PALM2AKAP2: variants seen among roughly 807,000 people sequenced by gnomAD.
PALM2AKAP2 encodes the protein PALM2 and AKAP2 fusion, also known as PALM2-AKAP2 fusion protein.
Under a neutral mutation model 71.5 loss-of-function variants are expected in PALM2AKAP2, and 37 were observed. That is an observed-to-expected ratio of 0.52 (90% CI 0.40 to 0.68). The LOEUF (loss-of-function observed/expected upper bound fraction) is 0.68. Among genes scored for constraint, PALM2AKAP2 ranks in the 30% least tolerant of loss-of-function variants. The pLI, the probability that PALM2AKAP2 is intolerant of heterozygous loss-of-function variation, is 0.00. For missense variants in PALM2AKAP2, 1,224 were observed against 1,191.8 expected (o/e 1.03, Z -0.40); for synonymous variants, 468 against 478.8 (o/e 0.98, Z 0.29).
At chr9:110,126,255 A>G (rs1482779111) in intron 1 of PALM2AKAP2, among the ~76,000 whole-genome samples, 1 of 152,008 alleles carries the variant, frequency 6.6e-6, no homozygotes, top group Non-Finnish European at 1.5e-5. Context: ...CTCTGCCTCA[A>G]TATAGTGGAT....
chr9:109,679,774 G>A (rs1827702972), intron 1 of PALM2AKAP2, among the ~76,000 whole-genome samples: 1 of 152,034 alleles, frequency 6.6e-6, no homozygotes, highest in Non-Finnish European at 1.5e-5. Flanking sequence ...TCTCCCCTAG[G>A]GTAAAGAAAC....
rs566342141 is a variant in PALM2AKAP2, at chr9:109,890,247, G to A, written c.257+9566G>A. ...TTTGGTACATCCATCACAAGGGCCCGGAGCCAAGATGATCTCTTGAGCACA... is the reference window on the plus strand; with the variant it reads ...TTTGGTACATCCATCACAAGGGCCCAGAGCCAAGATGATCTCTTGAGCACA... On this transcript the variant is annotated intron_variant, in intron 3 of 9. Coordinates refer to the PALM2AKAP2 transcript ENST00000302798. 2.6e-5 allele frequency among the ~76,000 whole-genome samples: 4 copies of A among 152,272 alleles called. No homozygotes were observed. The East Asian group carries it at 5.8e-4, about 22-fold the overall frequency.
intron 6 of PALM2AKAP2, among the ~76,000 whole-genome samples, chr9:109,938,766 C>A (rs1413245944): frequency 6.6e-6 from 1 of 152,122 alleles, no homozygotes; most frequent in Admixed American, 6.5e-5. Flanking sequence ...CGGTAGCTCA[C>A]GCCTGTAATC....
At chr9:109,976,069 G>A (rs1208915811) in intron 6 of PALM2AKAP2, among the ~76,000 whole-genome samples, 1 of 152,136 alleles carries the variant, frequency 6.6e-6, no homozygotes, top group Non-Finnish European at 1.5e-5. Context: ...AGTTTTACTG[G>A]AACGGAGTGT....
intron 1 of PALM2AKAP2, among the ~76,000 whole-genome samples, chr9:110,103,841 G>C (rs180673424): frequency 2.6e-5 from 4 of 152,310 alleles, no homozygotes; most frequent in African/African-American, 9.6e-5. Flanking sequence ...GAGCCTCTTT[G>C]AACAGAGAGA....
intron 1 of PALM2AKAP2, among the ~76,000 whole-genome samples, chr9:110,095,855 C>T (rs1407392919): frequency 6.6e-6 from 1 of 152,160 alleles, no homozygotes. Flanking sequence ...ACCATCTTGG[C>T]CAGGCCGCTT....
chr9:109,974,084 G>A (rs1371500203), intron 6 of PALM2AKAP2, among the ~76,000 whole-genome samples: 1 of 152,216 alleles, frequency 6.6e-6, no homozygotes, highest in East Asian at 1.9e-4. Flanking sequence ...TGAGGGAGAT[G>A]CAGACTAAAG....
At chr9:109,838,019 C>A (rs982717351) in intron 1 of PALM2AKAP2, among the ~76,000 whole-genome samples, 2 of 152,254 alleles carry the variant, frequency 1.3e-5, no homozygotes, top group Non-Finnish European at 1.5e-5. Context: ...AGCTCTGCAC[C>A]AAGCGGACCT....
chr9:109,775,060 G>A (rs1829328847), intron 1 of PALM2AKAP2, among the ~76,000 whole-genome samples: 1 of 152,138 alleles, frequency 6.6e-6, no homozygotes, highest in Non-Finnish European at 1.5e-5. Flanking sequence ...TTAATGTAAG[G>A]AAACTGTCAT....
At chr9:110,062,472 T>TA (rs547361799) in intron 1 of PALM2AKAP2, among the ~76,000 whole-genome samples, 1 of 152,214 alleles carries the variant, frequency 6.6e-6, no homozygotes, top group Non-Finnish European at 1.5e-5. Context: ...ATGTACCACA[T>TA]AAAAAATAGC....
At position 110,011,005 on chromosome 9, in the gene PALM2AKAP2, A is replaced by C. The variant is rs12005651; in HGVS notation, c.497-4949A>C. Among the ~76,000 whole-genome samples, 505 of 114,450 alleles carry C rather than the reference A, an allele frequency of 4.4e-3. 8 individuals carry two copies. Among genetic ancestry groups the C allele is most frequent in the African/African-American group, 0.02 (482 of 24,112 alleles). The allele number at this position is 114,450 out of a possible 152,430, so 75.1% of individuals were successfully genotyped here. A position where few individuals can be genotyped will look rare whatever the true frequency, so the allele number is the denominator to read the frequency against. On this transcript the variant is annotated intron_variant, in intron 6 of 9. Coordinates refer to the PALM2AKAP2 transcript ENST00000302798. The stretch of plus-strand genomic sequence containing the variant: ...GAGCGAAACTCTGTCTCAAAAAAAA[A>C]AAAAAAAAAATATATATATATATAT...
chr9:110,009,595 T>C (rs1832843227), intron 6 of PALM2AKAP2, among the ~76,000 whole-genome samples: 1 of 150,694 alleles, frequency 6.6e-6, no homozygotes, highest in Admixed American at 6.7e-5. Context: ...GCGCCTGTAG[T>C]CCCAACTACC....
At chr9:109,729,907 T>C (rs1828529340) in intron 1 of PALM2AKAP2, among the ~76,000 whole-genome samples, 1 of 152,202 alleles carries the variant, frequency 6.6e-6, no homozygotes, top group African/African-American at 2.4e-5. Flanking sequence ...TGGATTTTCT[T>C]CCAAATTAAT....
At chr9:110,128,839 T>C (rs1453101931) in intron 1 of PALM2AKAP2, among the ~76,000 whole-genome samples, 1 of 152,208 alleles carries the variant, frequency 6.6e-6, no homozygotes, top group East Asian at 1.9e-4. Context: ...TTCCTTAAAG[T>C]TATTTCTGTC....
intron 1 of PALM2AKAP2, among the ~76,000 whole-genome samples, chr9:109,670,800 A>T (rs1423665658): frequency 6.6e-6 from 1 of 152,134 alleles, no homozygotes; most frequent in Non-Finnish European, 1.5e-5. Context: ...TGACTATTTA[A>T]TAATAGCCAT....
At chr9:109,768,939 G>C (rs2118759594) in intron 1 of PALM2AKAP2, among the ~76,000 whole-genome samples, 1 of 152,238 alleles carries the variant, frequency 6.6e-6, no homozygotes, top group Non-Finnish European at 1.5e-5. Context: ...GGGCAACATA[G>C]TGAGACCCTA....
rs1480621938 is a variant in PALM2AKAP2, at chr9:110,156,468, A to T, written c.2719A>T (p.Lys907Ter). 1 of 1,610,090 alleles carries T rather than the reference A, an allele frequency of 6.2e-7. No individual in the cohort carries two copies. The highest frequency in any genetic ancestry group is 8.5e-7 in the Non-Finnish European group (1 of 1,178,304). ...GGAAGACTATGAGACACACAAATCTAAAAGGCGCGAGAGAATGGATGATAG... is the reference window on the plus strand; with the variant it reads ...GGAAGACTATGAGACACACAAATCTTAAAGGCGCGAGAGAATGGATGATAG... Residue 907 changes from lysine (K) to a stop codon, truncating the protein, a stop_gained, in exon 3 of 4, where the codon AAA (lysine) becomes TAA (stop). Coordinates refer to ENST00000374525, the Ensembl canonical transcript of PALM2AKAP2. LOFTEE classifies it high-confidence loss of function.
At chr9:110,006,692 A>T (rs1021639167) in intron 6 of PALM2AKAP2, among the ~76,000 whole-genome samples, 2 of 152,072 alleles carry the variant, frequency 1.3e-5, no homozygotes, top group South Asian at 4.1e-4. Flanking sequence ...TAAATTAATG[A>T]GAACGAGAGA....
chr9:109,696,843 G>C (rs573206953), intron 1 of PALM2AKAP2, among the ~76,000 whole-genome samples: 9 of 151,974 alleles, frequency 5.9e-5, no homozygotes, highest in African/African-American at 1.7e-4. Context: ...TTATCCAGAC[G>C]ACCATTTCTT....
Sources: gnomAD v4.1 joint callset for allele counts (sites outside exome capture counted in the v4.1 genomes callset) on GRCh38, gnomAD v4.1.1 for gene constraint, MANE v1.5 for transcripts, NCBI Gene and HGNC (gene_info 2026-07-23, HGNC 2026-07-21) for gene names.